Variants in SIRPB1 observed in about 807,000 individuals in gnomAD.
SIRPB1 encodes the protein signal-regulatory protein beta-1.
SIRPB1 carries 28 observed loss-of-function variants against 34.1 expected under a neutral mutation model. That is an observed-to-expected ratio of 0.82 (90% confidence interval 0.61 to 1.12). SIRPB1 has a LOEUF of 1.12. Among genes scored for constraint, SIRPB1 ranks in the 50% most tolerant of loss-of-function variants. The probability of loss-of-function intolerance (pLI) is 0.00; values close to 1 mark genes in which losing one functional copy is unlikely to be tolerated. For synonymous variants in SIRPB1, 211 were observed against 203.8 expected, an observed-to-expected ratio of 1.04 and a Z score of -0.30; for missense variants, 499 against 507.0, an observed-to-expected ratio of 0.98 and a Z score of 0.15.
intron 1 of SIRPB1, among the ~76,000 whole-genome samples, chr20:1,616,549 C>G (rs1051843938): frequency 4.6e-5 from 7 of 152,100 alleles, no homozygotes; most frequent in African/African-American, 1.7e-4. Flanking sequence ...ACATGACACA[C>G]AAAAATCAAT....
intron 1 of SIRPB1, among the ~76,000 whole-genome samples, chr20:1,579,137 A>C (rs2091365899): frequency 6.8e-6 from 1 of 147,564 alleles, no homozygotes. Context: ...TTTTTTCTAG[A>C]GACACAGTTT....
intron 5 of SIRPB1, among the ~76,000 whole-genome samples, 185 bp from the exon 6 acceptor site, chr20:1,565,682 C>G (rs1449223241): frequency 1.3e-5 from 2 of 150,588 alleles, no homozygotes; most frequent in Non-Finnish European, 2.9e-5. Context: ...GCACTTCTTC[C>G]AAGTCCTGAT....
intron 2 of SIRPB1, among the ~76,000 whole-genome samples, chr20:1,572,321 A>G (rs1472032609): frequency 1.3e-5 from 2 of 152,094 alleles, no homozygotes; most frequent in Non-Finnish European, 2.9e-5. Flanking sequence ...ATCTGGGCAT[A>G]GGAACAAAAT....
At chr20:1,615,555 C>T (rs572616202) in intron 1 of SIRPB1, among the ~76,000 whole-genome samples, 5 of 152,312 alleles carry the variant, frequency 3.3e-5, no homozygotes, top group South Asian at 4.1e-4. Context: ...TATTATTACT[C>T]GGTTTGTTGA....
At position 1,566,243 on chromosome 20, in the gene SIRPB1, G is replaced by A; in HGVS notation, c.1109C>T (p.Pro370Leu). The A allele has an allele frequency of 6.2e-7, 1 of 1,608,268 alleles. No individual in the cohort carries two copies. Among genetic ancestry groups the A allele is most frequent in the South Asian group, 1.1e-5 (1 of 89,730 alleles). The change falls in exon 5 of 6, where the codon CCA becomes CTA. Residue 370 changes from proline (P) to leucine (L), a missense_variant. Pro to Leu is a moderately conservative substitution (Grantham distance 98). Coordinates refer to ENST00000381605, the MANE Select transcript of SIRPB1 (RefSeq NM_006065.5). ...GCCCAGGAGGAGAGCTACGAGGAGTGGAGCAGTAGGAGCCAGCGCTGCTTC... is the reference window on the plus strand; with the variant it reads ...GCCCAGGAGGAGAGCTACGAGGAGTAGAGCAGTAGGAGCCAGCGCTGCTTC... ...THEAALAPTA[P>L]LLVALLLGPK...
chr20:1,572,147 A>G (rs1477667638), intron 2 of SIRPB1, 110 bp from the exon 3 acceptor site: 4 of 1,529,478 alleles, frequency 2.6e-6, no homozygotes, highest in Non-Finnish European at 3.5e-6. Flanking sequence ...AATCTTTCTA[A>G]TAATGTCGTG....
chr20:1,617,249 T>C (rs956450698), intron 1 of SIRPB1, among the ~76,000 whole-genome samples: 2 of 152,172 alleles, frequency 1.3e-5, no homozygotes, highest in African/African-American at 4.8e-5. Flanking sequence ...CCCATGTCCA[T>C]TGCAGCATTA....
rs2091084354 is a variant in SIRPB1, at chr20:1,561,656, A to G, written c.*3844T>C. 6.6e-6 allele frequency among the ~76,000 whole-genome samples: 1 copy of G among 152,162 alleles called. No individual in the cohort carries two copies. Among genetic ancestry groups the G allele is most frequent in the Admixed American group, 6.5e-5 (1 of 15,276 alleles). On this transcript the variant is annotated 3_prime_UTR_variant, in exon 6 of 6. Coordinates refer to ENST00000381605, the MANE Select transcript of SIRPB1 (RefSeq NM_006065.5). The stretch of plus-strand genomic sequence containing the variant: ...ATTGGGGTTGTGAGTTTTGGGGGGA[A>G]GGTAATAGAGGAAAAGTGTCATCTT...
chr20:1,614,326 G>A (rs909969716), intron 1 of SIRPB1, among the ~76,000 whole-genome samples: 1 of 152,202 alleles, frequency 6.6e-6, no homozygotes, highest in African/African-American at 2.4e-5. Flanking sequence ...ATCCAGTTAT[G>A]TGTACATGTT....
intron 3 of SIRPB1, 124 bp from the exon 4 acceptor site, chr20:1,571,261 G>A (rs2091232038): frequency 9.7e-7 from 1 of 1,029,100 alleles, no homozygotes; most frequent in Non-Finnish European, 1.4e-6. Flanking sequence ...CAGGCAGCAG[G>A]TGCTCAGACA....
chr20:1,565,171 C>T lies in SIRPB1; in HGVS notation c.*329G>A. ...CAGAAGACAGGATAACTCTTGAGAG[C>T]CTGGAGAGAGTCTGTGGTTTATGGC... On this transcript the variant is annotated 3_prime_UTR_variant, in exon 6 of 6. Transcript: ENST00000381605. 2.5e-6 allele frequency: 1 copy of T among 397,510 alleles called. No individual in the cohort carries two copies. The highest frequency in any genetic ancestry group is 4.4e-6 in the Non-Finnish European group (1 of 225,962). The allele number at this position is 397,510 out of a possible 1,614,324, so 24.6% of individuals were successfully genotyped here. A position where few individuals can be genotyped will look rare whatever the true frequency, so the allele number is the denominator to read the frequency against.
In SIRPB1 at chr20:1,565,298, C is replaced by T; in HGVS notation, c.*202G>A. The T allele has an allele frequency of 2.8e-6, 1 of 353,580 alleles. No individual in the cohort carries two copies. 21.9% of individuals were successfully genotyped at this position (353,580 alleles called of 1,614,324 possible). A position where few individuals can be genotyped will look rare whatever the true frequency, so the allele number is the denominator to read the frequency against. On this transcript the variant is annotated 3_prime_UTR_variant, in exon 6 of 6. Coordinates refer to ENST00000381605, the MANE Select transcript of SIRPB1 (RefSeq NM_006065.5). ...ATGAGTCAGTGCCCAGAGCCCAATCCCATGGCCCCTGCTCAGGACCGTGAA... is the reference window on the plus strand; with the variant it reads ...ATGAGTCAGTGCCCAGAGCCCAATCTCATGGCCCCTGCTCAGGACCGTGAA...
chr20:1,618,996 G>A (rs994118731), intron 1 of SIRPB1, among the ~76,000 whole-genome samples: 1 of 152,138 alleles, frequency 6.6e-6, no homozygotes. Context: ...AGGTCATTGG[G>A]GTGGGCCTTA....
In SIRPB1 at chr20:1,565,102, A is replaced by G; in HGVS notation, c.*398T>C. 1 of 398,658 alleles carries G rather than the reference A, an allele frequency of 2.5e-6. No homozygotes were observed. Among genetic ancestry groups the G allele is most frequent in the Non-Finnish European group, 4.4e-6 (1 of 226,118 alleles). The allele number at this position is 398,658 out of a possible 1,614,324, so 24.7% of individuals were successfully genotyped here. On this transcript the variant is annotated 3_prime_UTR_variant, in exon 6 of 6. Coordinates refer to ENST00000381605, the MANE Select transcript of SIRPB1 (RefSeq NM_006065.5). ...GGTTCATGTGTATTCAGGAGGCAGT[A>G]GAGAACCTCAACAAGGCTGGGGGAG...
In SIRPB1 at chr20:1,582,521, C is replaced by A. The variant is rs541183983; in HGVS notation, c.77-3827G>T. Among the ~76,000 whole-genome samples, 2 of 49,266 alleles carry A rather than the reference C, an allele frequency of 4.1e-5. 1 individual carries two copies. The highest frequency in any genetic ancestry group is 2.7e-4 in the Admixed American group (2 of 7,334). 32.3% of individuals were successfully genotyped at this position (49,266 alleles called of 152,430 possible). A position where few individuals can be genotyped will look rare whatever the true frequency, so the allele number is the denominator to read the frequency against. ...GTTTGTTGATGCAACAATCCTCAACCAAATACTAGCAAACTGAATTGAACA... is the reference window on the plus strand; with the variant it reads ...GTTTGTTGATGCAACAATCCTCAACAAAATACTAGCAAACTGAATTGAACA... On this transcript the variant is annotated intron_variant, in intron 1 of 5. Coordinates refer to ENST00000381605, the MANE Select transcript of SIRPB1 (RefSeq NM_006065.5).
intron 1 of SIRPB1, among the ~76,000 whole-genome samples, chr20:1,614,658 G>C (rs1330813047): frequency 2.0e-5 from 3 of 151,970 alleles, no homozygotes; most frequent in African/African-American, 7.2e-5. Context: ...GGAACTGTGA[G>C]TATGCCTCTT....
intron 1 of SIRPB1, among the ~76,000 whole-genome samples, chr20:1,617,739 A>G (rs558818648): frequency 7.6e-4 from 116 of 152,336 alleles, no homozygotes; most frequent in African/African-American, 2.5e-3. Context: ...AATTAGCTCA[A>G]ATTAGGCATT....
At chr20:1,566,356 G>A (rs1162827630) in intron 4 of SIRPB1, 89 bp from the exon 5 acceptor site, 1 of 708,870 alleles carries the variant, frequency 1.4e-6, no homozygotes, top group African/African-American at 1.8e-5. Context: ...GAGGCTACCT[G>A]GGCCCATCAA....
intron 1 of SIRPB1, among the ~76,000 whole-genome samples, chr20:1,619,184 A>C (rs1179863142): frequency 6.6e-6 from 1 of 152,176 alleles, no homozygotes; most frequent in Non-Finnish European, 1.5e-5. Context: ...CCTTAACTGC[A>C]AGGAAGTAAA....
Sources: gnomAD v4.1 joint callset for allele counts (sites outside exome capture counted in the v4.1 genomes callset) on GRCh38, gnomAD v4.1.1 for gene constraint, MANE v1.5 for transcripts, NCBI Gene and HGNC (gene_info 2026-07-23, HGNC 2026-07-21) for gene names.